The following ZZEF1 variants were observed in gnomAD, a reference collection of about 807,000 sequenced individuals.
The protein encoded by ZZEF1 is zinc finger ZZ-type and EF-hand domain containing 1.
In ZZEF1, 157 loss-of-function variants were observed where a neutral mutation model predicts 342.8. That is an observed-to-expected ratio of 0.46 (90% confidence interval 0.40 to 0.52). The LOEUF is 0.52. Among genes scored for constraint, ZZEF1 ranks in the 20% least tolerant of loss-of-function variants. ZZEF1 has a pLI of 0.00. For synonymous variants in ZZEF1, 1,505 were observed against 1,429.1 expected (o/e 1.05, Z -1.20); for missense variants, 3,480 against 3,725.6 (o/e 0.93, Z 1.72).
chr17:4,077,991 A>G lies in ZZEF1; in HGVS notation c.2881T>C (p.Phe961Leu). The G allele has an allele frequency of 6.2e-7, 1 of 1,614,188 alleles. No individual in the cohort carries two copies. The highest frequency in any genetic ancestry group is 8.5e-7 in the Non-Finnish European group (1 of 1,180,040). The change falls in exon 19 of 55, where the codon TTC becomes CTC. Residue 961 changes from phenylalanine (F) to leucine (L), a missense_variant. By Grantham distance (22) the Phe-to-Leu change is conservative. This residue lies in a region of ZZEF1 where 1,528 missense variants were observed against 1,624.1 expected (regional missense o/e 0.94). Coordinates refer to ENST00000381638, the MANE Select transcript of ZZEF1 (RefSeq NM_015113.4). Reference protein sequence around the residue: ...GAPGEVGSVLFSLFWSVQGSL... With the variant: ...GAPGEVGSVLLSLFWSVQGSL... ...CCTTGGACGGACCAGAACAGGGAGA[A>G]GAGCACAGAGCCCACCTCCCCTGGG...
intron 1 of ZZEF1, among the ~76,000 whole-genome samples, chr17:4,137,685 C>T (rs1024360396): frequency 6.6e-6 from 1 of 152,222 alleles, no homozygotes; most frequent in Non-Finnish European, 1.5e-5. Context: ...GCCAGCCATC[C>T]CTTACCAAAG....
chr17:4,036,868 G>A (rs1017611309), intron 39 of ZZEF1, among the ~76,000 whole-genome samples: 11 of 139,428 alleles, frequency 7.9e-5, no homozygotes, highest in Admixed American at 3.6e-4. Context: ...CGCCCGCACT[G>A]GGAAGACTGG....
rs1567815472 is a variant in ZZEF1, at chr17:4,072,698, TG to T, written c.3743del (p.Pro1248HisfsTer17). 1 of 1,614,082 alleles carries T rather than the reference TG, an allele frequency of 6.2e-7. No homozygotes were observed. The highest frequency in any genetic ancestry group is 8.5e-7 in the Non-Finnish European group (1 of 1,179,968). ...GATGCCTGAAGACAGGTTTCCACAG[TG>T]GGGAGCTTAGGACTAATGCCATTTT... ...QAKMALVLSS[P>X]LWKPVFRHQV... On this transcript the variant is annotated frameshift_variant, in exon 25 of 55. Transcript: ENST00000381638. LOFTEE classifies it high-confidence loss of function.
At chr17:4,039,990 A>G (rs2056768962) in intron 39 of ZZEF1, among the ~76,000 whole-genome samples, 1 of 152,132 alleles carries the variant, frequency 6.6e-6, no homozygotes, top group Non-Finnish European at 1.5e-5. Context: ...TCTCACAGAG[A>G]TAATATTTAT....
At position 4,017,322 on chromosome 17, in the gene ZZEF1, G is replaced by A. The variant is rs201915720; in HGVS notation, c.8001+49C>T. ...GCACTCACTGGAGGAAGCCTGTGGG[G>A]CAGAGGAAGAACCTGGTGGGTGAGC... is the stretch of plus-strand genomic sequence containing the variant. On this transcript the variant is annotated intron_variant, in intron 48 of 54. Transcript: ENST00000381638. This position sits in a 1 kb window ranked among gnomAD's most constrained non-coding sequence, Gnocchi z 5.1. 3.1e-4 allele frequency: 475 copies of A among 1,541,906 alleles called. 1 individual carries two copies. In the East Asian group the frequency reaches 4.9e-3, roughly 16 times the overall value.
At chr17:4,115,839 A>C (rs539471499) in intron 3 of ZZEF1, among the ~76,000 whole-genome samples, 1 of 152,242 alleles carries the variant, frequency 6.6e-6, no homozygotes, top group Non-Finnish European at 1.5e-5. Flanking sequence ...TGCTGTGAGC[A>C]AGGTTAATTT....
At chr17:4,099,691 G>A (rs1246536399) in intron 9 of ZZEF1, among the ~76,000 whole-genome samples, 1 of 151,800 alleles carries the variant, frequency 6.6e-6, no homozygotes, top group Non-Finnish European at 1.5e-5. Flanking sequence ...GACTACAAGT[G>A]CCTGCCACCA....
At chr17:4,128,311 G>A (rs535726828) in intron 1 of ZZEF1, among the ~76,000 whole-genome samples, 3 of 125,934 alleles carry the variant, frequency 2.4e-5, no homozygotes, top group East Asian at 2.6e-4. Flanking sequence ...TGGCGCCACC[G>A]CACTCCAGCC....
rs550027301 is a variant in ZZEF1, at chr17:4,042,871, G to A, written c.6167-303C>T. 1.1e-3 allele frequency among the ~76,000 whole-genome samples: 162 copies of A among 152,232 alleles called. 1 individual carries two copies. The highest frequency in any genetic ancestry group is 3.6e-3 in the African/African-American group (151 of 41,540). On this transcript the variant is annotated intron_variant, in intron 38 of 54. Coordinates refer to ENST00000381638, the MANE Select transcript of ZZEF1 (RefSeq NM_015113.4). Reference sequence around the variant, plus strand: ...TAATTTTTGTATTTTTAGTAGAGACGGGGTTTCACCATGTTGGCCAGGCTG... The same window carrying A: ...TAATTTTTGTATTTTTAGTAGAGACAGGGTTTCACCATGTTGGCCAGGCTG...
At chr17:4,071,068 AGAGAT>A in intron 25 of ZZEF1, 144 bp from the exon 26 acceptor site, 1 of 914,598 alleles carries the variant, frequency 1.1e-6, no homozygotes, top group Non-Finnish European at 1.6e-6. Context: ...AAGACCAGAC[AGAGAT>A]ATGAGTTAAA....
chr17:4,114,090 T>A (rs997524581), intron 4 of ZZEF1, among the ~76,000 whole-genome samples: 2 of 152,236 alleles, frequency 1.3e-5, no homozygotes, highest in Non-Finnish European at 2.9e-5. Flanking sequence ...TCAGTACTAA[T>A]CTAAAATTAA....
intron 1 of ZZEF1, among the ~76,000 whole-genome samples, chr17:4,136,186 A>T (rs890628145): frequency 6.0e-4 from 90 of 150,948 alleles, no homozygotes; most frequent in Non-Finnish European, 1.1e-3. Context: ...TCTACTAAAA[A>T]TACAGAAATT....
At chr17:4,049,140 T>C (rs1416294191) in intron 37 of ZZEF1, among the ~76,000 whole-genome samples, 1 of 152,156 alleles carries the variant, frequency 6.6e-6, no homozygotes, top group Admixed American at 6.6e-5. Context: ...ATACAGTAGC[T>C]CAAAGTACGT....
rs1414549038 is a variant in ZZEF1 at position 4,071,756 on chromosome 17, G to C, written c.3835-832C>G. 2.0e-5 allele frequency among the ~76,000 whole-genome samples: 3 copies of C among 152,190 alleles called. No individual in the cohort carries two copies. In the East Asian group the frequency reaches 5.8e-4, roughly 29 times the overall value. ...CTTTGGTTTTACACTTCTGAGTTAAGGGGAGTCAGGACATTTAAATGGAAA... is the reference window on the plus strand; with the variant it reads ...CTTTGGTTTTACACTTCTGAGTTAACGGGAGTCAGGACATTTAAATGGAAA... On this transcript the variant is annotated intron_variant, in intron 25 of 54. Coordinates refer to ENST00000381638, the MANE Select transcript of ZZEF1 (RefSeq NM_015113.4).
chr17:4,006,879 C>A lies in ZZEF1; in HGVS notation c.*11G>T. On this transcript the variant is annotated 3_prime_UTR_variant, in exon 55 of 55. Coordinates refer to ENST00000381638, the MANE Select transcript of ZZEF1 (RefSeq NM_015113.4). ...GCAGATGAACTAGTCCCATGCACGCCCCACCAAGGGCTAACACTCCACATT... is the reference window on the plus strand; with the variant it reads ...GCAGATGAACTAGTCCCATGCACGCACCACCAAGGGCTAACACTCCACATT... 6.3e-7 allele frequency: 1 copy of A among 1,576,930 alleles called. No individual in the cohort carries two copies.
chr17:4,052,573 A>C (rs1424614269), intron 34 of ZZEF1, among the ~76,000 whole-genome samples: 2 of 152,206 alleles, frequency 1.3e-5, no homozygotes, highest in Non-Finnish European at 2.9e-5. Context: ...AAAAATTAAA[A>C]AATTAAAAAA....
intron 6 of ZZEF1, among the ~76,000 whole-genome samples, chr17:4,106,692 C>CTG (rs745489945): frequency 2.0e-5 from 3 of 152,082 alleles, no homozygotes; most frequent in Non-Finnish European, 2.9e-5. Flanking sequence ...CCCCCAATAG[C>CTG]TTTACCTACT....
intron 24 of ZZEF1, among the ~76,000 whole-genome samples, chr17:4,073,206 C>G (rs915385590): frequency 1.3e-5 from 2 of 152,122 alleles, no homozygotes; most frequent in Non-Finnish European, 2.9e-5. Flanking sequence ...ATAGCTATTT[C>G]TTTCTTTCTT....
At chr17:4,036,771 T>C (rs1357472684) in intron 39 of ZZEF1, among the ~76,000 whole-genome samples, 6 of 133,034 alleles carry the variant, frequency 4.5e-5, no homozygotes, top group Admixed American at 1.5e-4. Flanking sequence ...AATAAATATA[T>C]AGAATACACA....
Sources: gnomAD v4.1 joint callset for allele counts (sites outside exome capture counted in the v4.1 genomes callset) on GRCh38, gnomAD v4.1.1 for gene constraint, gnomAD v4.1.1 regional missense constraint, Gnocchi (gnomAD v3.1) non-coding constraint, MANE v1.5 for transcripts, NCBI Gene and HGNC (gene_info 2026-07-23, HGNC 2026-07-21) for gene names.